SOS2: variants seen among roughly 807,000 people sequenced by gnomAD.
SOS2 encodes SOS Ras/Rho guanine nucleotide exchange factor 2.
Under a neutral mutation model 148.2 loss-of-function variants are expected in SOS2, and 65 were observed. That is an observed-to-expected ratio of 0.44 (90% CI 0.36 to 0.54). The LOEUF is 0.54. Ranked by LOEUF, SOS2 falls within the 20% of genes least tolerant of loss-of-function variation. SOS2 has a pLI of 0.00. For synonymous variants in SOS2, 539 were observed against 537.1 expected (o/e 1.00, Z -0.05); for missense variants, 1,341 against 1,590.2 (o/e 0.84, Z 2.67).
chr14:50,194,875 C>T (rs1303363942), intron 4 of SOS2, among the ~76,000 whole-genome samples: 1 of 151,728 alleles, frequency 6.6e-6, no homozygotes, highest in Non-Finnish European at 1.5e-5. Context: ...ACTGCAACCT[C>T]CGCCTCTCAG....
chr14:50,185,331 T>C (rs1885873104), intron 5 of SOS2, among the ~76,000 whole-genome samples: 1 of 152,100 alleles, frequency 6.6e-6, no homozygotes, highest in African/African-American at 2.4e-5. Context: ...CACAGGAGAA[T>C]TACTTTGGTG....
intron 1 of SOS2, among the ~76,000 whole-genome samples, chr14:50,223,933 T>C (rs936814029): frequency 6.6e-6 from 1 of 152,064 alleles, no homozygotes; most frequent in Non-Finnish European, 1.5e-5. Flanking sequence ...ATTTAGATTA[T>C]ACGTGAAGCA....
Position 50,118,827 on chromosome 14 carries a change from A to T in SOS2, c.3516T>A (p.Pro1172=), listed in dbSNP as rs2139465674. The T allele has an allele frequency of 2.0e-6, 3 of 1,488,330 alleles. No individual in the cohort carries two copies. The highest frequency in any genetic ancestry group is 2.7e-6 in the Non-Finnish European group (3 of 1,112,296). The allele number at this position is 1,488,330 out of a possible 1,614,324, so 92.2% of individuals were successfully genotyped here. A position where few individuals can be genotyped will look rare whatever the true frequency, so the allele number is the denominator to read the frequency against. Residue 1172 remains proline, a synonymous_variant, in exon 23 of 23, where the codon CCT becomes CCA. Transcript: ENST00000216373. ...GAGGCTGTCTCGGTGGAATAGCAGG[A>T]GGATCATCATCAGATTTCATATTTC... ...SKGNMKSDDD[P]PAIPPRQPPP...
intron 7 of SOS2, among the ~76,000 whole-genome samples, chr14:50,177,365 CT>C (rs1490282971): frequency 1.3e-5 from 2 of 152,068 alleles, no homozygotes; most frequent in African/African-American, 4.8e-5. Flanking sequence ...TCTAAAGATG[CT>C]TTTTGTTTTT....
intron 22 of SOS2, among the ~76,000 whole-genome samples, chr14:50,119,474 T>G (rs1256701082): frequency 1.3e-5 from 2 of 152,216 alleles, no homozygotes; most frequent in Non-Finnish European, 2.9e-5. Flanking sequence ...ACTACTGAAG[T>G]TTTTTTCCAC....
At chr14:50,139,272 A>G (rs1224648898) in intron 17 of SOS2, among the ~76,000 whole-genome samples, 1 of 145,428 alleles carries the variant, frequency 6.9e-6, no homozygotes, top group Non-Finnish European at 1.5e-5. Flanking sequence ...CTTCTCATTC[A>G]TGAACAATAA....
chr14:50,205,038 G>A (rs1263311396), intron 1 of SOS2, among the ~76,000 whole-genome samples: 3 of 151,904 alleles, frequency 2.0e-5, no homozygotes, highest in African/African-American at 4.8e-5. Flanking sequence ...TACAGTAGGT[G>A]TCCTATAAAT....
In SOS2 at chr14:50,188,558, T is replaced by C; in HGVS notation, c.653A>G (p.Asn218Ser). 1 of 1,606,194 alleles carries C rather than the reference T, an allele frequency of 6.2e-7. No individual in the cohort carries two copies. Among genetic ancestry groups the C allele is most frequent in the Non-Finnish European group, 8.5e-7 (1 of 1,178,088 alleles). The change falls in exon 5 of 23, where the codon AAT becomes AGT. Residue 218 changes from asparagine (N) to serine (S), a missense_variant. Asn to Ser is a conservative substitution (Grantham distance 46). Around this residue, in one of 4 missense-constraint regions of SOS2, gnomAD observed 574 missense variants for 711.1 expected, o/e 0.81. Transcript: ENST00000216373. ...TTCTCGAAACACTTTTATGATCATA[T>C]TTAATTCCCGTAGATACTGTCTTTC... is the stretch of plus-strand genomic sequence containing the variant. ...AEERQYLREL[N>S]MIIKVFREAF...
In SOS2 at chr14:50,133,250, T is replaced by TTTTC. The variant is rs1203373051; in HGVS notation, c.3075+872_3075+873insGAAA. 1.0e-4 allele frequency among the ~76,000 whole-genome samples: 13 copies of TTTTC among 128,228 alleles called. 2 individuals carry two copies. The highest frequency in any genetic ancestry group is 4.2e-4 in the African/African-American group (13 of 30,712). The allele number at this position is 128,228 out of a possible 152,430, so 84.1% of individuals were successfully genotyped here. A position where few individuals can be genotyped will look rare whatever the true frequency, so the allele number is the denominator to read the frequency against. ...AACTTTTTTTCTTTTTTCTTTTTTC[T>TTTTC]TTTTTTTTTTTTTTGAGACGGGGTC... On this transcript the variant is annotated intron_variant, in intron 19 of 22. Transcript: ENST00000216373.
chr14:50,121,330 A>C (rs949001337), intron 21 of SOS2, among the ~76,000 whole-genome samples: 9 of 152,200 alleles, frequency 5.9e-5, no homozygotes, highest in Admixed American at 4.6e-4. Flanking sequence ...CACAGTTGTT[A>C]CAAAGGCAGC....
rs745788867 is a variant in SOS2, at chr14:50,174,414, TATTAG to T, written c.1068+35_1068+39del. 1.2e-5 allele frequency: 13 copies of T among 1,089,056 alleles called. No individual in the cohort carries two copies. In the Admixed American group the frequency reaches 2.9e-4, roughly 24 times the overall value. 67.5% of individuals were successfully genotyped at this position (1,089,056 alleles called of 1,614,324 possible). A position where few individuals can be genotyped will look rare whatever the true frequency, so the allele number is the denominator to read the frequency against. On this transcript the variant is annotated intron_variant, in intron 8 of 22. Transcript: ENST00000216373. ...ATTAATTTTAAAAAGTAAACTCTTC[TATTAG>T]ATAAGTACTTTGAGATTCTGTTATA... is the stretch of plus-strand genomic sequence containing the variant.
intron 18 of SOS2, among the ~76,000 whole-genome samples, chr14:50,136,016 A>G (rs1167070229): frequency 3.9e-5 from 6 of 152,192 alleles, no homozygotes; most frequent in Admixed American, 1.3e-4. Flanking sequence ...TAGCTTTAGC[A>G]GTAGGCAAAA....
At chr14:50,162,951 C>A (rs955038431) in intron 8 of SOS2, among the ~76,000 whole-genome samples, 1 of 147,044 alleles carries the variant, frequency 6.8e-6, no homozygotes, top group Middle Eastern at 3.3e-3. Flanking sequence ...AACTGGAATA[C>A]GGTGAGGTGA....
intron 19 of SOS2, among the ~76,000 whole-genome samples, chr14:50,131,736 G>T (rs1482590351): frequency 6.6e-6 from 1 of 152,146 alleles, no homozygotes; most frequent in Non-Finnish European, 1.5e-5. Context: ...TTTATGAAAA[G>T]TTTATGGGGA....
intron 1 of SOS2, 43 bp downstream of exon 1, chr14:50,231,154 G>C: frequency 8.3e-7 from 1 of 1,210,006 alleles, no homozygotes; most frequent in Non-Finnish European, 1.1e-6. Flanking sequence ...GAAGCTCGGG[G>C]GGCCACGGGC....
chr14:50,122,980 G>A (rs902994298), intron 21 of SOS2, among the ~76,000 whole-genome samples: 1 of 152,126 alleles, frequency 6.6e-6, no homozygotes, highest in East Asian at 1.9e-4. Flanking sequence ...AAAAATTCAC[G>A]TCCTTATGGA....
At chr14:50,147,152 T>C (rs1884510338) in intron 14 of SOS2, among the ~76,000 whole-genome samples, 1 of 151,884 alleles carries the variant, frequency 6.6e-6, no homozygotes, top group South Asian at 2.1e-4. Flanking sequence ...GCTATGATCA[T>C]GCCACTGCAT....
At position 50,145,554 on chromosome 14, in the gene SOS2, T is replaced by A; in HGVS notation, c.2427A>T (p.Lys809Asn). 6.2e-7 allele frequency: 1 copy of A among 1,611,444 alleles called. No homozygotes were observed. The highest frequency in any genetic ancestry group is 1.1e-5 in the South Asian group (1 of 90,508). ...PSELVGSVWT[K>N]EDKEINSPNL... ...TTGGAGAATTTATTTCTTTATCTTC[T>A]TTGGTCCACACACTCCCTACAAGTT... is the stretch of plus-strand genomic sequence containing the variant. Residue 809 changes from lysine to asparagine, a missense_variant, in exon 15 of 23, where the codon AAA becomes AAT. By Grantham distance (94) the Lys-to-Asn change is moderately conservative. This residue lies in a region of SOS2 where 408 missense variants were observed against 506.6 expected (regional missense o/e 0.81). Transcript: ENST00000216373.
chr14:50,135,230 G>T (rs1884037254), intron 18 of SOS2, among the ~76,000 whole-genome samples: 1 of 151,976 alleles, frequency 6.6e-6, no homozygotes, highest in Non-Finnish European at 1.5e-5. Context: ...GGAGGCTGAG[G>T]CCGGGGGACT....
Sources: gnomAD v4.1 joint callset for allele counts (sites outside exome capture counted in the v4.1 genomes callset) on GRCh38, gnomAD v4.1.1 for gene constraint, gnomAD v4.1.1 regional missense constraint, MANE v1.5 for transcripts, NCBI Gene and HGNC (gene_info 2026-07-23, HGNC 2026-07-21) for gene names.